PTPRD: variants seen among roughly 807,000 people sequenced by gnomAD.
PTPRD encodes protein tyrosine phosphatase receptor type D.
Under a neutral mutation model 214.5 loss-of-function variants are expected in PTPRD, and 34 were observed. The observed-to-expected ratio is 0.16, with a 90% CI of 0.12 to 0.21. The LOEUF (loss-of-function observed/expected upper bound fraction) is 0.21, where lower values mean the gene tolerates loss of function less well. PTPRD is among the 10% of genes least tolerant of loss of function. The pLI, the probability that PTPRD is intolerant of heterozygous loss-of-function variation, is 1.00. For missense variants in PTPRD, 2,545 were observed against 2,398.7 expected, an observed-to-expected ratio of 1.06 and a Z score of -1.27; for synonymous variants, 1,128 against 845.7, an observed-to-expected ratio of 1.33 and a Z score of -5.79.
At chr9:8,341,441 C>G (rs376597137) in intron 40 of PTPRD, among the ~76,000 whole-genome samples, 173 bp from the exon 41 acceptor site, 1 of 151,978 alleles carries the variant, frequency 6.6e-6, no homozygotes, top group Non-Finnish European at 1.5e-5. Flanking sequence ...CTCTCTATAG[C>G]CTATTGGATT....
intron 3 of PTPRD, among the ~76,000 whole-genome samples, chr9:10,074,455 G>A (rs2098095372): frequency 6.6e-6 from 1 of 152,004 alleles, no homozygotes; most frequent in Non-Finnish European, 1.5e-5. Flanking sequence ...TTGGATCTCT[G>A]GAACTTCTAA....
At chr9:8,442,300 T>G (rs2095573478) in intron 34 of PTPRD, among the ~76,000 whole-genome samples, 1 of 151,856 alleles carries the variant, frequency 6.6e-6, no homozygotes, top group Non-Finnish European at 1.5e-5. Context: ...TCAAATGATT[T>G]TATTATCCAT....
intron 9 of PTPRD, among the ~76,000 whole-genome samples, chr9:9,235,882 G>A (rs1420095977): frequency 2.6e-5 from 4 of 152,144 alleles, no homozygotes; most frequent in Non-Finnish European, 5.9e-5. Flanking sequence ...GTTTGGCCAT[G>A]ATATTCTAAA....
At chr9:9,613,050 C>T (rs968690970) in intron 7 of PTPRD, among the ~76,000 whole-genome samples, 11 of 143,626 alleles carry the variant, frequency 7.7e-5, no homozygotes, top group Middle Eastern at 3.7e-3. Flanking sequence ...GCCTAAGCTT[C>T]GCCTTCTGAA....
At chr9:9,291,028 G>T (rs1292077213) in intron 9 of PTPRD, among the ~76,000 whole-genome samples, 2 of 151,460 alleles carry the variant, frequency 1.3e-5, no homozygotes, top group South Asian at 2.1e-4. Flanking sequence ...ATATGCTGTT[G>T]TTTCATTCAG....
At chr9:10,510,859 A>C (rs987653902) in intron 2 of PTPRD, among the ~76,000 whole-genome samples, 8 of 152,026 alleles carry the variant, frequency 5.3e-5, no homozygotes, top group Non-Finnish European at 1.2e-4. Context: ...TTCCCTCCCC[A>C]GTATCCTTCC....
At chr9:10,233,409 T>C (rs1384964733) in intron 3 of PTPRD, among the ~76,000 whole-genome samples, 1 of 152,022 alleles carries the variant, frequency 6.6e-6, no homozygotes, top group Non-Finnish European at 1.5e-5. Flanking sequence ...ATGTTTTGAA[T>C]TCTCATCCAA....
intron 7 of PTPRD, among the ~76,000 whole-genome samples, chr9:9,648,527 G>C (rs927888356): frequency 6.6e-6 from 1 of 152,170 alleles, no homozygotes; most frequent in Non-Finnish European, 1.5e-5. Flanking sequence ...ATTGATGCTG[G>C]AGAGGAGAAA....
At chr9:10,075,037 A>G (rs1468895722) in intron 3 of PTPRD, among the ~76,000 whole-genome samples, 2 of 152,152 alleles carry the variant, frequency 1.3e-5, no homozygotes, top group Non-Finnish European at 2.9e-5. Context: ...CAAATTTATA[A>G]ATTCATTCTG....
intron 5 of PTPRD, among the ~76,000 whole-genome samples, chr9:9,783,955 C>T (rs968047661): frequency 2.0e-5 from 3 of 151,714 alleles, no homozygotes; most frequent in Non-Finnish European, 4.4e-5. Context: ...GCTGCAAATC[C>T]ATTAGTGATT....
intron 9 of PTPRD, among the ~76,000 whole-genome samples, chr9:9,332,307 C>T (rs2042619768): frequency 1.3e-5 from 2 of 151,850 alleles, no homozygotes; most frequent in African/African-American, 4.8e-5. Context: ...TTTTTATATT[C>T]ACATATATAC....
intron 9 of PTPRD, among the ~76,000 whole-genome samples, chr9:9,264,966 G>T (rs1594802849): frequency 3.3e-5 from 5 of 149,950 alleles, no homozygotes; most frequent in Admixed American, 3.3e-4. Context: ...ATAAAGAAAA[G>T]ATAGAGTTTC....
intron 14 of PTPRD, among the ~76,000 whole-genome samples, chr9:8,592,630 G>A (rs1371747624): frequency 1.3e-5 from 2 of 152,056 alleles, no homozygotes; most frequent in Non-Finnish European, 2.9e-5. Context: ...CAGGCTTCCT[G>A]ATGTCTTTTC....
At chr9:8,742,910 T>C (rs1425851457) in intron 11 of PTPRD, among the ~76,000 whole-genome samples, 1 of 152,152 alleles carries the variant, frequency 6.6e-6, no homozygotes, top group African/African-American at 2.4e-5. Context: ...AGACAATTTT[T>C]GTTGTCACAG....
chr9:9,318,762 T>C (rs1216697177), intron 9 of PTPRD, among the ~76,000 whole-genome samples: 5 of 152,160 alleles, frequency 3.3e-5, no homozygotes, highest in African/African-American at 1.2e-4. Flanking sequence ...ACTTTTATCA[T>C]AATATAATAT....
At chr9:9,953,473 TTAAAA>T (rs1270644181) in intron 4 of PTPRD, among the ~76,000 whole-genome samples, 1 of 149,504 alleles carries the variant, frequency 6.7e-6, no homozygotes, top group Admixed American at 6.7e-5. Flanking sequence ...AAAAATTAAA[TTAAAA>T]TAGAGGGAAT....
At chr9:10,359,064 T>C (rs1005972101) in intron 2 of PTPRD, among the ~76,000 whole-genome samples, 2 of 152,042 alleles carry the variant, frequency 1.3e-5, no homozygotes, top group Admixed American at 1.3e-4. Flanking sequence ...TAATACCTAA[T>C]GTCACAATGT....
At chr9:9,266,902 A>T (rs1940049554) in intron 9 of PTPRD, among the ~76,000 whole-genome samples, 1 of 151,266 alleles carries the variant, frequency 6.6e-6, no homozygotes, top group African/African-American at 2.4e-5. Context: ...GGAGCTAGAA[A>T]AAGAAAACTA....
intron 11 of PTPRD, among the ~76,000 whole-genome samples, chr9:8,889,108 T>C (rs1047391905): frequency 2.6e-5 from 4 of 152,166 alleles, no homozygotes; most frequent in Non-Finnish European, 5.9e-5. Flanking sequence ...CAAGAGGGTA[T>C]AAACCAAGGA....
Sources: gnomAD v4.1 joint callset for allele counts (sites outside exome capture counted in the v4.1 genomes callset) on GRCh38, gnomAD v4.1.1 for gene constraint, MANE v1.5 for transcripts, NCBI Gene and HGNC (gene_info 2026-07-23, HGNC 2026-07-21) for gene names.